The following EYA1 variants were observed in gnomAD, a reference collection of about 807,000 sequenced individuals.
The protein encoded by EYA1 is EYA transcriptional coactivator and phosphatase 1.
A neutral mutation model predicts 82.0 loss-of-function variants in EYA1; 16 were observed. The ratio of observed to expected loss-of-function variants is 0.20; its 90% CI spans 0.13 to 0.30. The LOEUF is 0.30. Ranked by LOEUF, EYA1 falls within the 10% of genes least tolerant of loss-of-function variation. EYA1 has a pLI of 1.00. For missense variants in EYA1, 633 were observed against 730.7 expected (o/e 0.87, Z 1.54); for synonymous variants, 261 against 264.4 (o/e 0.99, Z 0.12).
chr8:71,358,395 T>C (rs770217566), intron 1 of EYA1, among the ~76,000 whole-genome samples: 1 of 152,206 alleles, frequency 6.6e-6, no homozygotes, highest in Non-Finnish European at 1.5e-5. Flanking sequence ...ATATGCATGA[T>C]CTACATTTCA....
At chr8:71,280,664 C>G (rs1817708389) in intron 9 of EYA1, among the ~76,000 whole-genome samples, 1 of 152,254 alleles carries the variant, frequency 6.6e-6, no homozygotes, top group Non-Finnish European at 1.5e-5. Flanking sequence ...ATGCTCACAA[C>G]ATGGAATGTA....
At chr8:71,432,884 TG>T (rs1586706535) in intron 2 of EYA1, among the ~76,000 whole-genome samples, 1 of 152,196 alleles carries the variant, frequency 6.6e-6, no homozygotes, top group East Asian at 1.9e-4. Flanking sequence ...CAAACCACCA[TG>T]GTACTATTCC....
intron 2 of EYA1, among the ~76,000 whole-genome samples, chr8:71,489,579 G>A (rs913704662): frequency 5.9e-5 from 9 of 152,168 alleles, no homozygotes; most frequent in Non-Finnish European, 1.2e-4. Context: ...GCCCATGTAT[G>A]TTTTTGAACA....
chr8:71,463,319 C>G (rs1430326900), intron 2 of EYA1, among the ~76,000 whole-genome samples: 1 of 152,116 alleles, frequency 6.6e-6, no homozygotes, highest in African/African-American at 2.4e-5. Flanking sequence ...GAAATGTGTT[C>G]CCCTCCAGAA....
At chr8:71,451,676 G>A (rs1335751807) in intron 2 of EYA1, among the ~76,000 whole-genome samples, 1 of 152,056 alleles carries the variant, frequency 6.6e-6, no homozygotes, top group African/African-American at 2.4e-5. Flanking sequence ...AAACCTATCA[G>A]TTGGTGAAAT....
chr8:71,216,195 G>C (rs959965140), intron 14 of EYA1, among the ~76,000 whole-genome samples: 1 of 152,142 alleles, frequency 6.6e-6, no homozygotes. Context: ...AGGCTTCCCC[G>C]ACAGCATCAT....
At chr8:71,254,496 CAT>C (rs1415485851) in intron 11 of EYA1, among the ~76,000 whole-genome samples, 1 of 151,856 alleles carries the variant, frequency 6.6e-6, no homozygotes, top group African/African-American at 2.4e-5. Context: ...ACTTAGGAGA[CAT>C]ATAATAAACT....
intron 2 of EYA1, among the ~76,000 whole-genome samples, chr8:71,455,023 A>C (rs28801375): frequency 0.051 from 7,823 of 152,300 alleles, 671 homozygotes; most frequent in African/African-American, 0.18. Flanking sequence ...AAACTAATAA[A>C]GAAGAAAAGA....
chr8:71,398,103 T>A (rs1290502118), intron 2 of EYA1, among the ~76,000 whole-genome samples: 1 of 152,178 alleles, frequency 6.6e-6, no homozygotes, highest in Non-Finnish European at 1.5e-5. Context: ...CTTGTGCATG[T>A]GTCACGTAGT....
intron 2 of EYA1, among the ~76,000 whole-genome samples, chr8:71,486,276 C>G (rs763002378): frequency 2.2e-4 from 33 of 151,008 alleles, no homozygotes; most frequent in Non-Finnish European, 4.7e-4. Flanking sequence ...GGAATTTTCC[C>G]TTGGGTTGGC....
At chr8:71,309,606 TA>T (rs1017453526) in intron 7 of EYA1, among the ~76,000 whole-genome samples, 2 of 152,180 alleles carry the variant, frequency 1.3e-5, no homozygotes, top group African/African-American at 4.8e-5. Flanking sequence ...CTATAGATAA[TA>T]AAAAAATTTT....
intron 12 of EYA1, among the ~76,000 whole-genome samples, chr8:71,239,336 C>G (rs1348866394): frequency 6.6e-6 from 1 of 152,102 alleles, no homozygotes; most frequent in Admixed American, 6.6e-5. Context: ...TACCTGAAAA[C>G]ACAGGAAGGC....
At chr8:71,503,185 A>G (rs1232226584) in intron 2 of EYA1, among the ~76,000 whole-genome samples, 1 of 152,144 alleles carries the variant, frequency 6.6e-6, no homozygotes, top group Non-Finnish European at 1.5e-5. Flanking sequence ...TGTTTAAATG[A>G]CAGTATAGTA....
chr8:71,325,572 A>T (rs1374483347), intron 4 of EYA1, among the ~76,000 whole-genome samples: 1 of 152,226 alleles, frequency 6.6e-6, no homozygotes, highest in Non-Finnish European at 1.5e-5. Flanking sequence ...TTCAAACCAC[A>T]ATAACGTGAA....
intron 14 of EYA1, 83 bp from the exon 15 acceptor site, chr8:71,215,811 A>G: frequency 2.4e-6 from 2 of 842,056 alleles, no homozygotes; most frequent in Non-Finnish European, 4.0e-6. Context: ...TTTAAAAAGT[A>G]CTATGAATAC....
At chr8:71,289,679 G>A (rs981709919) in intron 9 of EYA1, among the ~76,000 whole-genome samples, 1 of 152,162 alleles carries the variant, frequency 6.6e-6, no homozygotes, top group African/African-American at 2.4e-5. Context: ...GTAAAATGAG[G>A]ACAATGACAA....
Position 71,392,924 on chromosome 8 carries a change from T to G in EYA1, c.34-36413A>C, listed in dbSNP as rs191736814. 2.6e-5 allele frequency among the ~76,000 whole-genome samples: 4 copies of G among 152,310 alleles called. No individual in the cohort carries two copies. The East Asian group carries it at 7.7e-4, about 29-fold the overall frequency. ...TTCTATTTTATGTTTGTAATTTACC[T>G]AGGGCTCTCTAGCACATATATGTGT... On this transcript the variant is annotated intron_variant, in intron 2 of 18. Transcript: ENST00000643681.
chr8:71,237,301 T>C (rs1435313936), intron 12 of EYA1, among the ~76,000 whole-genome samples: 1 of 152,140 alleles, frequency 6.6e-6, no homozygotes, highest in Admixed American at 6.6e-5. Context: ...CCGCCCTGAT[T>C]GATTATTAGA....
At chr8:71,468,548 A>C (rs1808941286) in intron 2 of EYA1, among the ~76,000 whole-genome samples, 1 of 152,174 alleles carries the variant, frequency 6.6e-6, no homozygotes, top group African/African-American at 2.4e-5. Context: ...GTGGATATAC[A>C]CAGTGCCACT....
Sources: allele counts gnomAD v4.1 joint callset (sites outside exome capture counted in the v4.1 genomes callset), GRCh38; gene constraint gnomAD v4.1.1; transcripts MANE v1.5; gene names NCBI Gene and HGNC (gene_info 2026-07-23, HGNC 2026-07-21).